The following FGF10 variants were observed in gnomAD, a reference collection of about 807,000 sequenced individuals.
FGF10 encodes the protein fibroblast growth factor 10.
In FGF10, 2 loss-of-function variants were observed where a neutral mutation model predicts 19.8. The observed-to-expected ratio is 0.10, with a 90% CI of 0.04 to 0.32. The LOEUF is 0.32. Ranked by LOEUF, FGF10 falls within the 10% of genes least tolerant of loss-of-function variation. The pLI, the probability that FGF10 is intolerant of heterozygous loss-of-function variation, is 1.00. For synonymous variants in FGF10, 112 were observed against 94.0 expected (o/e 1.19, Z -1.10); for missense variants, 191 against 246.3 (o/e 0.78, Z 1.50).
At chr5:44,364,500 G>A (rs977809567) in intron 1 of FGF10, among the ~76,000 whole-genome samples, 2 of 151,838 alleles carry the variant, frequency 1.3e-5, no homozygotes, top group African/African-American at 4.8e-5. Flanking sequence ...GATGCTGCTA[G>A]ATGTGCTACA....
In FGF10 at chr5:44,300,411, A is replaced by G. The variant is rs898975579; in HGVS notation, c.*4584T>C. On this transcript the variant is annotated 3_prime_UTR_variant, in exon 3 of 3. Coordinates refer to ENST00000264664, the MANE Select transcript of FGF10 (RefSeq NM_004465.2). ...TTGTGATACAGGTTGAAGTAGGAGG[A>G]CCAGCTTTTTATTCAGTGAAAACTT... Among the ~76,000 whole-genome samples, 1 of 152,142 alleles carries G rather than the reference A, an allele frequency of 6.6e-6. No homozygotes were observed. The highest frequency in any genetic ancestry group is 1.5e-5 in the Non-Finnish European group (1 of 68,030).
chr5:44,382,563 T>A (rs528566639), intron 1 of FGF10, among the ~76,000 whole-genome samples: 2 of 152,284 alleles, frequency 1.3e-5, no homozygotes, highest in African/African-American at 4.8e-5. Context: ...AAAGGTAACA[T>A]GCACTGAGAA....
chr5:44,362,491 A>G (rs893656015), intron 1 of FGF10, among the ~76,000 whole-genome samples: 1 of 151,652 alleles, frequency 6.6e-6, no homozygotes, highest in African/African-American at 2.4e-5. Flanking sequence ...ATAACCCAGC[A>G]AACAGCACAA....
intron 1 of FGF10, among the ~76,000 whole-genome samples, chr5:44,361,459 A>G (rs1002525128): frequency 1.3e-5 from 2 of 151,630 alleles, no homozygotes; most frequent in Admixed American, 6.6e-5. Context: ...TACTGGGTGC[A>G]TGGGGATGAC....
intron 1 of FGF10, among the ~76,000 whole-genome samples, chr5:44,351,296 T>A (rs886802133): frequency 3.3e-5 from 5 of 151,478 alleles, no homozygotes; most frequent in African/African-American, 7.3e-5. Context: ...CACCCAACAA[T>A]AAACAGATAA....
rs375714312 is a variant in FGF10, at chr5:44,333,335, C to A, written c.326-22805G>T. On this transcript the variant is annotated intron_variant, in intron 1 of 2. Coordinates refer to ENST00000264664, the MANE Select transcript of FGF10 (RefSeq NM_004465.2). Reference sequence around the variant, plus strand: ...CAGTAGAATAGTCAAAGTTTAGCAACAAAAACCTGTATGTTCAAAGCACTG... The same window carrying A: ...CAGTAGAATAGTCAAAGTTTAGCAAAAAAAACCTGTATGTTCAAAGCACTG... Among the ~76,000 whole-genome samples, 154 of 152,152 alleles carry A rather than the reference C, an allele frequency of 1.0e-3. 3 individuals are homozygous for A. Among genetic ancestry groups the A allele is most frequent in the African/African-American group, 3.5e-3 (146 of 41,542 alleles).
At chr5:44,378,871 C>G (rs776070276) in intron 1 of FGF10, among the ~76,000 whole-genome samples, 1 of 152,160 alleles carries the variant, frequency 6.6e-6, no homozygotes, top group African/African-American at 2.4e-5. Context: ...GAGGAAGCAT[C>G]GTATTTACTT....
At chr5:44,324,562 T>A (rs1405687031) in intron 1 of FGF10, among the ~76,000 whole-genome samples, 3 of 152,150 alleles carry the variant, frequency 2.0e-5, no homozygotes. Context: ...ATTTATTGCA[T>A]ATAATGAATT....
intron 1 of FGF10, among the ~76,000 whole-genome samples, chr5:44,331,094 A>C (rs921547734): frequency 1.3e-5 from 2 of 152,130 alleles, no homozygotes; most frequent in Non-Finnish European, 2.9e-5. Flanking sequence ...GACAAATGAG[A>C]AGTGCTTTTC....
intron 1 of FGF10, among the ~76,000 whole-genome samples, chr5:44,366,550 G>A (rs574061302): frequency 6.6e-6 from 1 of 152,106 alleles, no homozygotes; most frequent in South Asian, 2.1e-4. Flanking sequence ...AAGTGAATTA[G>A]TCTGTTTCCT....
rs17227885 is a variant in FGF10, at chr5:44,334,983, T to C, written c.326-24453A>G. On this transcript the variant is annotated intron_variant, in intron 1 of 2. Transcript: ENST00000264664. ...TCACTTGAACATTTTCCCCTACTAATGTTAGGATTTTAAAAAGATATAATA... is the reference window on the plus strand; with the variant it reads ...TCACTTGAACATTTTCCCCTACTAACGTTAGGATTTTAAAAAGATATAATA... Among the ~76,000 whole-genome samples the C allele has an allele frequency of 1.8e-4, 28 of 152,286 alleles. 1 individual carries two copies. In the East Asian group the frequency reaches 5.4e-3, roughly 29 times the overall value.
intron 1 of FGF10, among the ~76,000 whole-genome samples, chr5:44,331,934 C>A (rs1740743905): frequency 6.6e-6 from 1 of 151,802 alleles, no homozygotes; most frequent in African/African-American, 2.4e-5. Context: ...TGGAGACATG[C>A]AAGCTGTGTT....
At chr5:44,375,560 G>C (rs1267632896) in intron 1 of FGF10, among the ~76,000 whole-genome samples, 4 of 152,068 alleles carry the variant, frequency 2.6e-5, no homozygotes, top group African/African-American at 9.7e-5. Flanking sequence ...TAAATCATGA[G>C]GGTCTTATAT....
At chr5:44,353,533 G>T (rs1741281294) in intron 1 of FGF10, among the ~76,000 whole-genome samples, 1 of 151,444 alleles carries the variant, frequency 6.6e-6, no homozygotes, top group Non-Finnish European at 1.5e-5. Context: ...AAGCCCCTTG[G>T]TAATTATGTA....
intron 2 of FGF10, 91 bp downstream of exon 2, chr5:44,310,336 T>A: frequency 1.2e-6 from 1 of 832,248 alleles, no homozygotes; most frequent in South Asian, 1.4e-5. Flanking sequence ...AATAGAAGGA[T>A]AACAAAGCTA....
intron 1 of FGF10, among the ~76,000 whole-genome samples, chr5:44,378,733 A>G (rs1252676047): frequency 6.6e-6 from 1 of 152,110 alleles, no homozygotes; most frequent in Non-Finnish European, 1.5e-5. Flanking sequence ...CCTGGCCGAT[A>G]TTTCCCTTTT....
At chr5:44,334,186 T>A (rs1273963575) in intron 1 of FGF10, among the ~76,000 whole-genome samples, 1 of 152,120 alleles carries the variant, frequency 6.6e-6, no homozygotes, top group African/African-American at 2.4e-5. Context: ...ATGCCCCATT[T>A]TTTTATTTTG....
At chr5:44,338,780 T>C (rs995744824) in intron 1 of FGF10, among the ~76,000 whole-genome samples, 3 of 152,238 alleles carry the variant, frequency 2.0e-5, no homozygotes, top group Non-Finnish European at 4.4e-5. Flanking sequence ...CTGTTTGTGA[T>C]TAATTTGTTC....
intron 1 of FGF10, among the ~76,000 whole-genome samples, chr5:44,374,234 G>A (rs1248141045): frequency 6.6e-6 from 1 of 152,016 alleles, no homozygotes; most frequent in Non-Finnish European, 1.5e-5. Flanking sequence ...TGCCTTCTGT[G>A]CTTCTACGTA....
Sources: gnomAD v4.1 joint callset for allele counts (sites outside exome capture counted in the v4.1 genomes callset) on GRCh38, gnomAD v4.1.1 for gene constraint, MANE v1.5 for transcripts, NCBI Gene and HGNC (gene_info 2026-07-23, HGNC 2026-07-21) for gene names.